DNAJC1: variants seen among roughly 807,000 people sequenced by gnomAD.
DNAJC1 encodes dnaJ homolog subfamily C member 1.
Under a neutral mutation model 76.6 loss-of-function variants are expected in DNAJC1, and 58 were observed. That is an observed-to-expected ratio of 0.76 (90% confidence interval 0.61 to 0.94). DNAJC1 has a LOEUF of 0.94. Among genes scored for constraint, DNAJC1 ranks in the 40% least tolerant of loss-of-function variants. The pLI, the probability that DNAJC1 is intolerant of heterozygous loss-of-function variation, is 0.00. For synonymous variants in DNAJC1, 258 were observed against 267.9 expected, an observed-to-expected ratio of 0.96 and a Z score of 0.36; for missense variants, 689 against 677.3, an observed-to-expected ratio of 1.02 and a Z score of -0.19.
chr10:21,850,572 G>A (rs1835736558), intron 8 of DNAJC1, among the ~76,000 whole-genome samples: 1 of 150,500 alleles, frequency 6.6e-6, no homozygotes, highest in South Asian at 2.1e-4. Context: ...TAGCACAAGG[G>A]AGACAATATT....
chr10:21,951,023 G>A (rs2807987), intron 1 of DNAJC1, among the ~76,000 whole-genome samples: 118,793 of 152,216 alleles, frequency 0.78, 47,219 homozygotes, highest in East Asian at 0.99. Context: ...ACTTGGCATT[G>A]CTGCCAGATA....
At position 21,756,638 on chromosome 10, in the gene DNAJC1, T is replaced by C. The variant is rs1366471909; in HGVS notation, c.*49A>G. ...AATGCAAATTTCTGCATAAGATTTT[T>C]AAGATATTCATTTTGGAAAATGAAG... On this transcript the variant is annotated 3_prime_UTR_variant, in exon 12 of 12. Coordinates refer to ENST00000376980, the MANE Select transcript of DNAJC1 (RefSeq NM_022365.4). 15 of 1,432,724 alleles carry C rather than the reference T, an allele frequency of 1.0e-5. No individual in the cohort carries two copies. The highest frequency in any genetic ancestry group is 1.4e-5 in the African/African-American group (1 of 71,350). 88.8% of individuals were successfully genotyped at this position (1,432,724 alleles called of 1,614,324 possible). A position where few individuals can be genotyped will look rare whatever the true frequency, so the allele number is the denominator to read the frequency against.
At chr10:21,978,695 AAG>A (rs1838104243) in intron 1 of DNAJC1, among the ~76,000 whole-genome samples, 2 of 152,114 alleles carry the variant, frequency 1.3e-5, no homozygotes, top group Non-Finnish European at 2.9e-5. Flanking sequence ...TCACAGGAAA[AAG>A]AGGGAAAAGA....
intron 8 of DNAJC1, among the ~76,000 whole-genome samples, chr10:21,831,566 G>A (rs1048396676): frequency 6.6e-6 from 1 of 152,132 alleles, no homozygotes; most frequent in Non-Finnish European, 1.5e-5. Context: ...TGAGATGGGT[G>A]GATCACGAGG....
intron 1 of DNAJC1, among the ~76,000 whole-genome samples, chr10:21,963,709 C>T (rs1344425348): frequency 5.3e-5 from 8 of 152,096 alleles, no homozygotes; most frequent in East Asian, 3.8e-4. Context: ...TTATAAACAG[C>T]GTACATTAAT....
intron 1 of DNAJC1, among the ~76,000 whole-genome samples, chr10:21,987,216 G>A (rs2131843437): frequency 6.6e-6 from 1 of 152,212 alleles, no homozygotes; most frequent in Non-Finnish European, 1.5e-5. Context: ...AATTTTAAGT[G>A]AGTTAAAATC....
chr10:21,919,900 TTC>T lies in DNAJC1; in HGVS notation c.565_566del (p.Glu189LysfsTer22), dbSNP rs750098262. 3 of 1,607,486 alleles carry T rather than the reference TTC, an allele frequency of 1.9e-6. No individual in the cohort carries two copies. The highest frequency in any genetic ancestry group is 1.7e-6 in the Non-Finnish European group (2 of 1,178,324). The part of the protein sequence containing the change: ...LDELLSRKKR[E>X]KKKKTGSKSV... The stretch of plus-strand genomic sequence containing the variant: ...TCTTGCTGCCAGTCTTTTTTTTCTT[TTC>T]TCTCTTTTTTCTACTTAGTAGTTCA... On this transcript the variant is annotated frameshift_variant, in exon 5 of 12. Transcript: ENST00000376980. LOFTEE classifies it high-confidence loss of function.
intron 8 of DNAJC1, 144 bp from the exon 9 acceptor site, chr10:21,806,243 G>T (rs1310210280): frequency 7.5e-5 from 66 of 882,202 alleles, no homozygotes; most frequent in Middle Eastern, 3.5e-4. Flanking sequence ...ATACTAAATT[G>T]TATCTAATAG....
At chr10:21,819,101 T>G (rs1835117814) in intron 8 of DNAJC1, among the ~76,000 whole-genome samples, 2 of 152,112 alleles carry the variant, frequency 1.3e-5, no homozygotes, top group South Asian at 4.1e-4. Flanking sequence ...CAATAAAAGT[T>G]TGGTTTTAAA....
At chr10:21,773,136 T>C (rs1834409301) in intron 9 of DNAJC1, among the ~76,000 whole-genome samples, 3 of 152,222 alleles carry the variant, frequency 2.0e-5, no homozygotes, top group Non-Finnish European at 4.4e-5. Flanking sequence ...ATCCAAACCA[T>C]ATCACTGCCC....
In DNAJC1 at chr10:21,756,609, A is replaced by G. The variant is rs928110716; in HGVS notation, c.*78T>C. 9.0e-7 allele frequency: 1 copy of G among 1,111,064 alleles called. No homozygotes were observed. The highest frequency in any genetic ancestry group is 1.6e-5 in the African/African-American group (1 of 64,258). The allele number at this position is 1,111,064 out of a possible 1,614,324, so 68.8% of individuals were successfully genotyped here. A position where few individuals can be genotyped will look rare whatever the true frequency, so the allele number is the denominator to read the frequency against. On this transcript the variant is annotated 3_prime_UTR_variant, in exon 12 of 12. Coordinates refer to ENST00000376980, the MANE Select transcript of DNAJC1 (RefSeq NM_022365.4). ...GCACATGACGTAGAAATATTGAGGTACAAAATGCAAATTTCTGCATAAGAT... is the reference window on the plus strand; with the variant it reads ...GCACATGACGTAGAAATATTGAGGTGCAAAATGCAAATTTCTGCATAAGAT...
At chr10:21,857,376 A>G (rs1835851847) in intron 8 of DNAJC1, among the ~76,000 whole-genome samples, 1 of 152,018 alleles carries the variant, frequency 6.6e-6, no homozygotes, top group Non-Finnish European at 1.5e-5. Context: ...CAGGGAAGAC[A>G]TGTTTCTTGG....
intron 7 of DNAJC1, among the ~76,000 whole-genome samples, chr10:21,885,096 A>T (rs980863421): frequency 6.6e-6 from 1 of 152,104 alleles, no homozygotes; most frequent in East Asian, 1.9e-4. Flanking sequence ...AACAAGACTC[A>T]ATGGCATGCT....
intron 8 of DNAJC1, among the ~76,000 whole-genome samples, chr10:21,806,372 A>G (rs1834883734): frequency 6.6e-6 from 1 of 152,162 alleles, no homozygotes; most frequent in Non-Finnish European, 1.5e-5. Context: ...GGTTTTGCAG[A>G]CATTTTTTAA....
At chr10:21,783,859 C>G (rs1428158477) in intron 9 of DNAJC1, among the ~76,000 whole-genome samples, 1 of 152,166 alleles carries the variant, frequency 6.6e-6, no homozygotes, top group Non-Finnish European at 1.5e-5. Context: ...ATGTAGAAAG[C>G]TGAAACTGGA....
At chr10:21,837,507 G>A (rs1447577372) in intron 8 of DNAJC1, among the ~76,000 whole-genome samples, 2 of 150,976 alleles carry the variant, frequency 1.3e-5, no homozygotes. Context: ...GATGTGGGGA[G>A]CGCCTCTGCC....
At position 22,003,687 on chromosome 10, in the gene DNAJC1, A is replaced by G. The variant is rs1033002182; in HGVS notation, c.-253T>C. 2 of 387,256 alleles carry G rather than the reference A, an allele frequency of 5.2e-6. No homozygotes were observed. The highest frequency in any genetic ancestry group is 8.9e-6 in the Non-Finnish European group (2 of 223,566). The allele number at this position is 387,256 out of a possible 1,614,324, so 24.0% of individuals were successfully genotyped here. A position where few individuals can be genotyped will look rare whatever the true frequency, so the allele number is the denominator to read the frequency against. On this transcript the variant is annotated 5_prime_UTR_variant, in exon 1 of 12. Transcript: ENST00000376980. ...TCCGAAGACCCTCGCCCCCAGGCCT[A>G]CACACAGCTGTAGAGGCAGCGCCCG...
intron 8 of DNAJC1, among the ~76,000 whole-genome samples, chr10:21,811,412 T>G (rs1834963744): frequency 6.6e-6 from 1 of 152,170 alleles, no homozygotes; most frequent in Non-Finnish European, 1.5e-5. Flanking sequence ...AAGCAAAGGT[T>G]CTGGAATCTG....
At chr10:21,992,759 G>A (rs1012007612) in intron 1 of DNAJC1, among the ~76,000 whole-genome samples, 1 of 151,966 alleles carries the variant, frequency 6.6e-6, no homozygotes, top group African/African-American at 2.4e-5. Flanking sequence ...TTATCCCTTA[G>A]TGTCACAAAA....
Sources: allele counts gnomAD v4.1 joint callset (sites outside exome capture counted in the v4.1 genomes callset), GRCh38; gene constraint gnomAD v4.1.1; transcripts MANE v1.5; gene names NCBI Gene and HGNC (gene_info 2026-07-23, HGNC 2026-07-21).